ACMSD: variants seen among roughly 807,000 people sequenced by gnomAD.
The protein encoded by ACMSD is aminocarboxymuconate semialdehyde decarboxylase.
In ACMSD, 37 loss-of-function variants were observed where a neutral mutation model predicts 45.9. The ratio of observed to expected loss-of-function variants is 0.81; its 90% CI spans 0.62 to 1.06. ACMSD has a LOEUF of 1.06. ACMSD is among the 50% of genes least tolerant of loss of function. The pLI, the probability that ACMSD is intolerant of heterozygous loss-of-function variation, is 0.00. For synonymous variants in ACMSD, 138 were observed against 148.8 expected (o/e 0.93, Z 0.53); for missense variants, 434 against 420.9 (o/e 1.03, Z -0.27).
At chr2:134,886,246 A>ATTATTATTATTATTTTTTTTTTTT in intron 8 of ACMSD, among the ~76,000 whole-genome samples, 1 of 115,452 alleles carries the variant, frequency 8.7e-6, no homozygotes, top group Non-Finnish European at 1.8e-5. Flanking sequence ...TATTATTATT[A>ATTATTATTATTATTTTTTTTTTTT]TTTTTTTTTT....
At chr2:134,840,024 C>T (rs1320511064) in intron 1 of ACMSD, among the ~76,000 whole-genome samples, 1 of 151,694 alleles carries the variant, frequency 6.6e-6, no homozygotes, top group African/African-American at 2.4e-5. Flanking sequence ...TGAGTATTTG[C>T]CTGATGAATG....
Sources: allele counts gnomAD v4.1 joint callset (sites outside exome capture counted in the v4.1 genomes callset), GRCh38; gene constraint gnomAD v4.1.1; transcripts MANE v1.5; gene names NCBI Gene and HGNC (gene_info 2026-07-23, HGNC 2026-07-21).